The following PPM1H variants were observed in gnomAD, a reference collection of about 807,000 sequenced individuals.
The protein encoded by PPM1H is protein phosphatase 1H.
In PPM1H, 27 loss-of-function variants were observed where a neutral mutation model predicts 54.9. The ratio of observed to expected loss-of-function variants is 0.49; its 90% CI spans 0.36 to 0.68. The LOEUF is 0.68. PPM1H is among the 30% of genes least tolerant of loss of function. The pLI is 0.00. For synonymous variants in PPM1H, 305 were observed against 270.8 expected (o/e 1.13, Z -1.24); for missense variants, 596 against 667.8 (o/e 0.89, Z 1.19).
intron 6 of PPM1H, among the ~76,000 whole-genome samples, chr12:62,694,958 A>G (rs144846974): frequency 6.1e-4 from 93 of 152,310 alleles, no homozygotes; most frequent in African/African-American, 2.2e-3. Flanking sequence ...AAGTTATTTA[A>G]AAGACTAAGT....
chr12:62,813,928 G>T (rs550285684), intron 2 of PPM1H, among the ~76,000 whole-genome samples: 1 of 152,150 alleles, frequency 6.6e-6, no homozygotes, highest in African/African-American at 2.4e-5. Context: ...ATTTTAAAAC[G>T]TTGCCTTTTC....
intron 2 of PPM1H, among the ~76,000 whole-genome samples, chr12:62,827,929 A>C (rs1454353767): frequency 2.6e-5 from 4 of 152,130 alleles, no homozygotes; most frequent in Admixed American, 2.6e-4. Context: ...TGATCTCCCC[A>C]ATCGACTCAG....
At chr12:62,785,938 C>A (rs1398948850) in intron 4 of PPM1H, among the ~76,000 whole-genome samples, 1 of 151,920 alleles carries the variant, frequency 6.6e-6, no homozygotes, top group Admixed American at 6.6e-5. Flanking sequence ...TAAAGGTATT[C>A]CAGCCGGGAA....
rs1335449032 is a variant in PPM1H at position 62,644,103 on chromosome 12, A to G, written c.*4386T>C. Reference sequence around the variant, plus strand: ...ACCTAAGTTTCAAAACACACAAAATAGATCCCCTTTACTAAACAGTTTTCA... The same window carrying G: ...ACCTAAGTTTCAAAACACACAAAATGGATCCCCTTTACTAAACAGTTTTCA... On this transcript the variant is annotated 3_prime_UTR_variant, in exon 10 of 10. Coordinates refer to ENST00000228705, the MANE Select transcript of PPM1H (RefSeq NM_020700.2). 2.0e-5 allele frequency: 3 copies of G among 152,214 alleles called. No individual in the cohort carries two copies. The highest frequency in any genetic ancestry group is 7.2e-5 in the African/African-American group (3 of 41,446). The allele number at this position is 152,214 out of a possible 1,614,324, so 9.4% of individuals were successfully genotyped here. A position where few individuals can be genotyped will look rare whatever the true frequency, so the allele number is the denominator to read the frequency against.
chr12:62,918,728 G>A lies in PPM1H; in HGVS notation c.245+15764C>T, dbSNP rs1871699977. Among the ~76,000 whole-genome samples the A allele has an allele frequency of 2.6e-5, 4 of 152,120 alleles. No individual in the cohort carries two copies. The South Asian group carries it at 8.3e-4, about 31-fold the overall frequency. The stretch of plus-strand genomic sequence containing the variant: ...CTAACATCAAGGAAAAAAAATGTGT[G>A]TTACAACCATAAATAGAATACAATG... On this transcript the variant is annotated intron_variant, in intron 1 of 9. Coordinates refer to ENST00000228705, the MANE Select transcript of PPM1H (RefSeq NM_020700.2).
chr12:62,720,274 G>A lies in PPM1H; in HGVS notation c.970C>T (p.His324Tyr), dbSNP rs1212738584. 7.4e-6 allele frequency: 12 copies of A among 1,612,106 alleles called. No homozygotes were observed. Among genetic ancestry groups the A allele is most frequent in the Non-Finnish European group, 1.0e-5 (12 of 1,178,244 alleles). The change falls in exon 6 of 10, where the codon CAC becomes TAC. Residue 324 changes from histidine to tyrosine, a missense_variant. By Grantham distance (83) the His-to-Tyr change is moderately conservative. Coordinates refer to ENST00000228705, the MANE Select transcript of PPM1H (RefSeq NM_020700.2). ...RLQYLAFMQP[H>Y]LLGNEFTHLE... is the part of the protein sequence containing the mutation. ...TGTGTGAACTCATTTCCCAGCAAGT[G>A]AGGCTGCATGAATGCCTAATAGCAA... is the stretch of plus-strand genomic sequence containing the variant.
intron 2 of PPM1H, among the ~76,000 whole-genome samples, chr12:62,804,699 G>T (rs1472793899): frequency 7.9e-6 from 1 of 127,378 alleles, no homozygotes; most frequent in African/African-American, 3.2e-5. Context: ...TTTTTGAGAC[G>T]GAGTCTCGCT....
rs114806329 is a variant in PPM1H at position 62,670,697 on chromosome 12, G to A, written c.1246-3368C>T. On this transcript the variant is annotated intron_variant, in intron 8 of 9. Transcript: ENST00000228705. The stretch of plus-strand genomic sequence containing the variant: ...AATGTAATCTTTCCCTAATTCTACC[G>A]TTCCCATTTCTATGCTCGGCTCCCT... Among the ~76,000 whole-genome samples, 1,443 of 152,128 alleles carry A rather than the reference G, an allele frequency of 9.5e-3. 24 individuals are homozygous for A. The highest frequency in any genetic ancestry group is 0.032 in the African/African-American group (1,313 of 41,498).
chr12:62,894,022 C>T lies in PPM1H; in HGVS notation c.245+40470G>A, dbSNP rs76810927. 8.1e-4 allele frequency among the ~76,000 whole-genome samples: 124 copies of T among 152,252 alleles called. 3 individuals are homozygous for T. The East Asian group carries it at 0.02, about 24-fold the overall frequency. ...CCATTACAGCTTCACACTAGCTAGA[C>T]GTGCGAATAAAGCCCCCTTGGATGG... On this transcript the variant is annotated intron_variant, in intron 1 of 9. Coordinates refer to ENST00000228705, the MANE Select transcript of PPM1H (RefSeq NM_020700.2).
At chr12:62,707,305 T>G (rs1031857085) in intron 6 of PPM1H, among the ~76,000 whole-genome samples, 1 of 152,180 alleles carries the variant, frequency 6.6e-6, no homozygotes, top group African/African-American at 2.4e-5. Flanking sequence ...TTACCATCCC[T>G]TATCAGCCAC....
intron 4 of PPM1H, among the ~76,000 whole-genome samples, chr12:62,771,050 A>ACG (rs1165721097): frequency 2.1e-5 from 2 of 96,014 alleles, no homozygotes; most frequent in Non-Finnish European, 4.7e-5. Context: ...AAAAAGACAC[A>ACG]CACACACACA....
At chr12:62,885,915 T>C (rs1870571041) in intron 1 of PPM1H, among the ~76,000 whole-genome samples, 1 of 152,186 alleles carries the variant, frequency 6.6e-6, no homozygotes, top group Admixed American at 6.5e-5. Flanking sequence ...TATAGTAACA[T>C]CAGGGCTATA....
chr12:62,817,360 G>T (rs1201445541), intron 2 of PPM1H, among the ~76,000 whole-genome samples: 1 of 151,504 alleles, frequency 6.6e-6, no homozygotes, highest in Non-Finnish European at 1.5e-5. Context: ...TACCCAGGAG[G>T]CTGAGGCAGG....
At chr12:62,813,282 A>T (rs2076846172) in intron 2 of PPM1H, among the ~76,000 whole-genome samples, 1 of 152,216 alleles carries the variant, frequency 6.6e-6, no homozygotes, top group Non-Finnish European at 1.5e-5. Context: ...AGAGTTTTGC[A>T]AACCTCTTTA....
At chr12:62,709,568 T>G (rs757803598) in intron 6 of PPM1H, among the ~76,000 whole-genome samples, 2 of 152,156 alleles carry the variant, frequency 1.3e-5, no homozygotes, top group African/African-American at 2.4e-5. Flanking sequence ...TCAAACAATC[T>G]TCTCCAGGAA....
At chr12:62,889,887 T>C (rs913247515) in intron 1 of PPM1H, among the ~76,000 whole-genome samples, 2 of 152,156 alleles carry the variant, frequency 1.3e-5, no homozygotes, top group African/African-American at 4.8e-5. Context: ...TAAAATACAA[T>C]GTCAAAGGTA....
At chr12:62,686,640 T>C (rs1005320302) in intron 8 of PPM1H, among the ~76,000 whole-genome samples, 2 of 152,218 alleles carry the variant, frequency 1.3e-5, no homozygotes, top group Non-Finnish European at 2.9e-5. Flanking sequence ...GGACACCTAA[T>C]GTAGTCATGG....
intron 9 of PPM1H, among the ~76,000 whole-genome samples, chr12:62,655,086 C>G (rs890639556): frequency 7.2e-5 from 11 of 152,142 alleles, no homozygotes; most frequent in Admixed American, 1.3e-4. Flanking sequence ...CCTGACATTC[C>G]CTTCATGCCA....
At chr12:62,664,043 C>A (rs1442593870) in intron 9 of PPM1H, among the ~76,000 whole-genome samples, 1 of 151,476 alleles carries the variant, frequency 6.6e-6, no homozygotes, top group Non-Finnish European at 1.5e-5. Flanking sequence ...AGAATATAGA[C>A]CGAACTAGCC....
Sources: gnomAD v4.1 joint callset for allele counts (sites outside exome capture counted in the v4.1 genomes callset) on GRCh38, gnomAD v4.1.1 for gene constraint, MANE v1.5 for transcripts, NCBI Gene and HGNC (gene_info 2026-07-23, HGNC 2026-07-21) for gene names.